The following COL25A1 variants were observed in gnomAD, a reference collection of about 807,000 sequenced individuals.
The protein encoded by COL25A1 is collagen type XXV alpha 1 chain, also known as collagen alpha-1(XXV) chain.
In COL25A1, 103 loss-of-function variants were observed where a neutral mutation model predicts 128.4. The observed-to-expected ratio is 0.80, with a 90% CI of 0.68 to 0.94. The LOEUF is 0.94. Among genes scored for constraint, COL25A1 ranks in the 40% least tolerant of loss-of-function variants. COL25A1 has a pLI of 0.00. For synonymous variants in COL25A1, 279 were observed against 277.2 expected (o/e 1.01, Z -0.06); for missense variants, 745 against 840.0 (o/e 0.89, Z 1.40).
At chr4:108,827,557 C>T (rs1304131989) in intron 32 of COL25A1, among the ~76,000 whole-genome samples, 2 of 152,120 alleles carry the variant, frequency 1.3e-5, no homozygotes, top group Non-Finnish European at 2.9e-5. Flanking sequence ...GACAGGGTCT[C>T]CCTCTTTCAT....
intron 3 of COL25A1, among the ~76,000 whole-genome samples, chr4:109,177,612 G>A (rs756616245): frequency 6.6e-6 from 1 of 152,084 alleles, no homozygotes; most frequent in Non-Finnish European, 1.5e-5. Context: ...TGAGTTCCAG[G>A]CCAAGTTTAT....
intron 3 of COL25A1, among the ~76,000 whole-genome samples, chr4:109,198,354 C>T (rs929576775): frequency 3.3e-5 from 5 of 150,430 alleles, no homozygotes; most frequent in Admixed American, 3.3e-4. Context: ...TAATGCTATG[C>T]ATTAATCAAG....
In COL25A1 at chr4:109,010,823, T is replaced by C. The variant is rs116241921; in HGVS notation, c.421-448A>G. On this transcript the variant is annotated intron_variant, in intron 5 of 37. Coordinates refer to ENST00000399132, the MANE Select transcript of COL25A1 (RefSeq NM_198721.4). ...TTTAAAAAAACAAAGGCAGATACTT[T>C]AGTGTTAGAGCTCATCAAGTCTCTT... is the stretch of plus-strand genomic sequence containing the variant. Among the ~76,000 whole-genome samples, 260 of 152,356 alleles carry C rather than the reference T, an allele frequency of 1.7e-3. 1 individual carries two copies. The highest frequency in any genetic ancestry group is 6.1e-3 in the African/African-American group (255 of 41,586).
intron 21 of COL25A1, among the ~76,000 whole-genome samples, chr4:108,862,938 T>C (rs1737433345): frequency 6.6e-6 from 1 of 152,136 alleles, no homozygotes; most frequent in Non-Finnish European, 1.5e-5. Flanking sequence ...ATGAATAAGG[T>C]CAAACAGACA....
At chr4:108,990,224 AAAAAAAAAAAAAAAAATATATATATAT>A (rs1345689823) in intron 6 of COL25A1, among the ~76,000 whole-genome samples, 1 of 68,038 alleles carries the variant, frequency 1.5e-5, no homozygotes, top group African/African-American at 5.3e-5. Flanking sequence ...AAAAAAAAAA[AAAAAAAAAAAAAAAAATATATATATAT>A]ATATATATAT....
At chr4:109,202,518 A>C (rs1309161376) in intron 3 of COL25A1, among the ~76,000 whole-genome samples, 1 of 152,206 alleles carries the variant, frequency 6.6e-6, no homozygotes. Context: ...CTCCTAGAAA[A>C]TAACACAGGA....
intron 3 of COL25A1, among the ~76,000 whole-genome samples, chr4:109,197,595 G>A (rs1305887465): frequency 2.1e-5 from 3 of 146,098 alleles, no homozygotes; most frequent in Admixed American, 7.1e-5. Flanking sequence ...ATTAAAATTT[G>A]CATGCTCTCA....
chr4:108,895,150 T>G (rs1741980406), intron 16 of COL25A1, among the ~76,000 whole-genome samples: 2 of 152,312 alleles, frequency 1.3e-5, no homozygotes, highest in Admixed American at 1.3e-4. Flanking sequence ...TGCTACTTGG[T>G]GACATTAATT....
intron 3 of COL25A1, among the ~76,000 whole-genome samples, chr4:109,075,119 T>C (rs923670534): frequency 6.6e-6 from 1 of 152,308 alleles, no homozygotes. Context: ...CACAGTTTTA[T>C]GATGAGAATA....
intron 19 of COL25A1, among the ~76,000 whole-genome samples, chr4:108,872,569 C>T (rs914215528): frequency 1.3e-5 from 2 of 152,140 alleles, no homozygotes; most frequent in Non-Finnish European, 2.9e-5. Context: ...TGTCCAATTA[C>T]ATATCTGCAT....
At chr4:108,820,475 T>G (rs1731661909) in intron 35 of COL25A1, among the ~76,000 whole-genome samples, 1 of 152,258 alleles carries the variant, frequency 6.6e-6, no homozygotes, top group East Asian at 1.9e-4. Context: ...CTATATCTTT[T>G]AATATTTTTT....
intron 8 of COL25A1, among the ~76,000 whole-genome samples, chr4:108,973,383 A>C (rs1212341017): frequency 6.6e-6 from 1 of 152,220 alleles, no homozygotes; most frequent in African/African-American, 2.4e-5. Context: ...AAGTATAATA[A>C]ATCATAGCAT....
In COL25A1 at chr4:109,180,397, CATTT is replaced by C. The variant is rs574315511; in HGVS notation, c.367+120182_367+120185del. On this transcript the variant is annotated intron_variant, in intron 3 of 37. Transcript: ENST00000399132. ...ACTCTAAAGGATAGTAAAGTTTATT[CATTT>C]ATTTATTTACTCATTTAAATATTAT... 2.9e-3 allele frequency among the ~76,000 whole-genome samples: 435 copies of C among 152,214 alleles called. 4 individuals carry two copies. Among genetic ancestry groups the C allele is most frequent in the Non-Finnish European group, 4.5e-3 (304 of 67,982 alleles).
intron 13 of COL25A1, among the ~76,000 whole-genome samples, chr4:108,903,945 A>C (rs1170478419): frequency 5.3e-5 from 8 of 152,106 alleles, no homozygotes; most frequent in Non-Finnish European, 1.0e-4. Flanking sequence ...TATTCACAAA[A>C]TTTTACAGCT....
intron 12 of COL25A1, among the ~76,000 whole-genome samples, chr4:108,918,516 G>A (rs1473465609): frequency 6.6e-6 from 1 of 152,180 alleles, no homozygotes. Context: ...AAATTTTCAT[G>A]TTTTTAAGAA....
chr4:109,155,330 G>A (rs187167232), intron 3 of COL25A1, among the ~76,000 whole-genome samples: 25 of 152,208 alleles, frequency 1.6e-4, no homozygotes, highest in Non-Finnish European at 2.1e-4. Flanking sequence ...ACATACTTTG[G>A]TCTCCAATTT....
At chr4:109,045,269 G>T (rs1443411659) in intron 5 of COL25A1, among the ~76,000 whole-genome samples, 7 of 152,078 alleles carry the variant, frequency 4.6e-5, no homozygotes, top group Non-Finnish European at 8.8e-5. Context: ...TTTTTGGGGA[G>T]TCAAAAGTTA....
At chr4:108,852,954 GAGTTATCTATTTTGTGTGCCAA>G in intron 24 of COL25A1, 29 bp from the exon 25 acceptor site, 2 of 1,600,388 alleles carry the variant, frequency 1.2e-6, no homozygotes, top group Non-Finnish European at 1.7e-6. Flanking sequence ...GACAAAGACA[GAGTTATCTATTTTGTGTGCCAA>G]AGTACAGTAA....
Position 108,873,931 on chromosome 4 carries a change from AC to A in COL25A1, c.1021-4782del, listed in dbSNP as rs988134981. On this transcript the variant is annotated intron_variant, in intron 19 of 37. Coordinates refer to ENST00000399132, the MANE Select transcript of COL25A1 (RefSeq NM_198721.4). Reference sequence around the variant, plus strand: ...AAATGAATGTAATCTTAAAAAAAAAACCCATCTTTTTGAAAAGAATTGATGT... The same window carrying A: ...AAATGAATGTAATCTTAAAAAAAAAACCATCTTTTTGAAAAGAATTGATGT... 4.0e-5 allele frequency among the ~76,000 whole-genome samples: 6 copies of A among 148,352 alleles called. No individual in the cohort carries two copies. In the South Asian group the frequency reaches 1.1e-3, roughly 27 times the overall value.
Sources: gnomAD v4.1 joint callset for allele counts (sites outside exome capture counted in the v4.1 genomes callset) on GRCh38, gnomAD v4.1.1 for gene constraint, MANE v1.5 for transcripts, NCBI Gene and HGNC (gene_info 2026-07-23, HGNC 2026-07-21) for gene names.